The following TRPM4 variants were observed in gnomAD, a reference collection of about 807,000 sequenced individuals.
The protein encoded by TRPM4 is calcium-activated non-selective cation channel 1.
In TRPM4, 124 loss-of-function variants were observed where a neutral mutation model predicts 135.6. The ratio of observed to expected loss-of-function variants is 0.91; its 90% CI spans 0.79 to 1.06. TRPM4 has a LOEUF of 1.06. Among genes scored for constraint, TRPM4 ranks in the 50% least tolerant of loss-of-function variants. The pLI is 0.00. For missense variants in TRPM4, 1,658 were observed against 1,671.4 expected (o/e 0.99, Z 0.14); for synonymous variants, 745 against 705.6 (o/e 1.06, Z -0.88).
chr19:49,174,287 G>A (rs955889157), intron 9 of TRPM4, among the ~76,000 whole-genome samples: 1 of 152,068 alleles, frequency 6.6e-6, no homozygotes, highest in South Asian at 2.1e-4. Flanking sequence ...TGAGTAGCCG[G>A]GATTACAGGC....
chr19:49,189,767 T>C (rs1968342753), intron 14 of TRPM4, among the ~76,000 whole-genome samples: 1 of 152,140 alleles, frequency 6.6e-6, no homozygotes, highest in South Asian at 2.1e-4. Flanking sequence ...TCCTCATCTG[T>C]TGGAATGGTT....
chr19:49,196,451 C>G lies in TRPM4; in HGVS notation c.2222C>G (p.Pro741Arg), dbSNP rs1968638872. The G allele has an allele frequency of 6.5e-7, 1 of 1,545,006 alleles. No homozygotes were observed. Among genetic ancestry groups the G allele is most frequent in the Admixed American group, 2.0e-5 (1 of 49,538 alleles). The change falls in exon 17 of 25, where the codon CCA (proline) becomes CGA (arginine). Residue 741 changes from proline to arginine, a missense_variant. By Grantham distance (103) the Pro-to-Arg change is moderately radical. This residue lies in a region of TRPM4 where 1,412 missense variants were observed against 1,408.7 expected (regional missense o/e 1.00). Transcript: ENST00000252826. ...CTCTTCCCCCACAGGACGGCGGACC[C>G]AGCCGAGAAGACGCCGCTGGGGGTC... The part of the protein sequence containing the change: ...NGEGPVGTAD[P>R]AEKTPLGVPR...
Position 49,210,077 on chromosome 19 carries a change from A to C in TRPM4, c.3132-132A>C. 9.8e-7 allele frequency: 1 copy of C among 1,019,974 alleles called. No homozygotes were observed. The highest frequency in any genetic ancestry group is 1.3e-5 in the South Asian group (1 of 76,392). The allele number at this position is 1,019,974 out of a possible 1,614,324, so 63.2% of individuals were successfully genotyped here. On this transcript the variant is annotated intron_variant, in intron 20 of 24. Coordinates refer to ENST00000252826, the MANE Select transcript of TRPM4 (RefSeq NM_017636.4). The surrounding 1 kb of genome is among the most constrained non-coding windows in gnomAD (Gnocchi z 4.1). ...ACCTGACTTCTAATCGCATCCTGTA[A>C]CCTCTGACTTTAGTGATCTTGACTT... is the stretch of plus-strand genomic sequence containing the variant.
In TRPM4 at chr19:49,173,340, G is replaced by A. The variant is rs368822245; in HGVS notation, c.1150+1232G>A. On this transcript the variant is annotated intron_variant, in intron 9 of 24. Transcript: ENST00000252826. ...CCTCCATCCATCCATCTTCTCACCT[G>A]TCCATCCACACATCCACTGACAATT... Among the ~76,000 whole-genome samples the A allele has an allele frequency of 1.1e-3, 168 of 151,600 alleles. 3 individuals are homozygous for A. The South Asian group carries it at 0.034, about 30-fold the overall frequency.
In TRPM4 at chr19:49,182,765, C is replaced by A. The variant is rs1340859333; in HGVS notation, c.1451C>A (p.Ala484Glu). 1 of 1,613,646 alleles carries A rather than the reference C, an allele frequency of 6.2e-7. No individual in the cohort carries two copies. The change falls in exon 11 of 25, where the codon GCA (alanine) becomes GAA (glutamate). Residue 484 changes from alanine (A) to glutamate (E), a missense_variant. Physicochemically the swap from Ala to Glu is moderately radical, Grantham distance 107. This residue lies in a region of TRPM4 where 1,412 missense variants were observed against 1,408.7 expected (regional missense o/e 1.00). Transcript: ENST00000252826. ...CTTTTGGACCAGGCGTCCCACAGCG[C>A]AGGCACCAAAGCCCCAGCCCTAAAA... ...RNLLDQASHSAGTKAPALKGG... is the reference protein window; with the variant it reads ...RNLLDQASHSEGTKAPALKGG...
chr19:49,192,029 C>T (rs138620477), intron 16 of TRPM4, among the ~76,000 whole-genome samples: 77 of 152,316 alleles, frequency 5.1e-4, no homozygotes, highest in Middle Eastern at 3.4e-3. Flanking sequence ...GGATTTTTCA[C>T]CTATTTTGTT....
At chr19:49,176,054 G>T (rs1204170976) in intron 9 of TRPM4, among the ~76,000 whole-genome samples, 2 of 151,112 alleles carry the variant, frequency 1.3e-5, no homozygotes, top group Non-Finnish European at 2.9e-5. Flanking sequence ...CTCCTGAGTA[G>T]CTGGGATTAC....
intron 16 of TRPM4, among the ~76,000 whole-genome samples, chr19:49,194,471 G>A (rs1968548151): frequency 1.3e-5 from 2 of 151,444 alleles, no homozygotes; most frequent in South Asian, 2.1e-4. Context: ...TCTCAAATTC[G>A]AAGGCTTAAG....
chr19:49,210,359 G>GCGACCCCGGAGCCCCCAGCCGT lies in TRPM4; in HGVS notation c.3284_3305dup (p.Ser1103ThrfsTer20). 1 of 1,614,132 alleles carries GCGACCCCGGAGCCCCCAGCCGT rather than the reference G, an allele frequency of 6.2e-7. No homozygotes were observed. The highest frequency in any genetic ancestry group is 8.5e-7 in the Non-Finnish European group (1 of 1,180,042). On this transcript the variant is annotated frameshift_variant, in exon 21 of 25. Transcript: ENST00000252826. LOFTEE classifies it high-confidence loss of function. This position sits in a 1 kb window ranked among gnomAD's most constrained non-coding sequence, Gnocchi z 4.1. ...GCCTCCTGCTCAGGCAATTGTGCAG[G>GCGACCCCGGAGCCCCCAGCCGT]CGACCCCGGAGCCCCCAGCCGTCCT...
rs1364755186 is a variant in TRPM4, at chr19:49,157,811, C to G, written c.-56C>G. ...CTCTGGGCGGGTCTGGAAGCAGAGCCGGCGGAGGGAGCGCCGGGGCCCTGG... is the reference window on the plus strand; with the variant it reads ...CTCTGGGCGGGTCTGGAAGCAGAGCGGGCGGAGGGAGCGCCGGGGCCCTGG... On this transcript the variant is annotated 5_prime_UTR_variant, in exon 1 of 25. Coordinates refer to ENST00000252826, the MANE Select transcript of TRPM4 (RefSeq NM_017636.4). 7.8e-6 allele frequency: 12 copies of G among 1,533,076 alleles called. No individual in the cohort carries two copies. The highest frequency in any genetic ancestry group is 2.0e-4 in the Middle Eastern group (1 of 5,112). 95.0% of individuals were successfully genotyped at this position (1,533,076 alleles called of 1,614,324 possible).
intron 2 of TRPM4, among the ~76,000 whole-genome samples, chr19:49,162,263 GCA>G (rs1258381212): frequency 6.6e-6 from 1 of 152,162 alleles, no homozygotes; most frequent in African/African-American, 2.4e-5. Flanking sequence ...TTCAGGCCAG[GCA>G]CAGTGACTCA....
intron 20 of TRPM4, among the ~76,000 whole-genome samples, chr19:49,203,310 G>A (rs1260025888): frequency 6.6e-6 from 1 of 151,964 alleles, no homozygotes; most frequent in Non-Finnish European, 1.5e-5. Flanking sequence ...CTCCCAAGTA[G>A]CTAGGACTAC....
rs1437546027 is a variant in TRPM4, at chr19:49,168,381, C to T, written c.570C>T (p.Pro190=). The T allele has an allele frequency of 6.2e-7, 1 of 1,614,082 alleles. No individual in the cohort carries two copies. Among genetic ancestry groups the T allele is most frequent in the African/African-American group, 1.3e-5 (1 of 75,040 alleles). ...AGGTGGTGGCCATGGGTGTGGCCCC[C>T]TGGGGTGTGGTCCGGAATAGAGACA... ...GTKVVAMGVA[P]WGVVRNRDTL... is the part of the protein sequence containing the mutation. Residue 190 remains proline, a synonymous_variant, in exon 5 of 25, where the codon CCC becomes CCT. Transcript: ENST00000252826.
At chr19:49,188,836 G>T (rs996759580) in intron 13 of TRPM4, 66 bp downstream of exon 13, 5 of 1,612,558 alleles carry the variant, frequency 3.1e-6, no homozygotes, top group Non-Finnish European at 4.2e-6. Context: ...GTGCAACTCC[G>T]CACTCCTCAC....
chr19:49,166,401 T>TCTCTGTCTCC (rs1403260246), intron 3 of TRPM4, among the ~76,000 whole-genome samples, 186 bp downstream of exon 3: 1 of 152,144 alleles, frequency 6.6e-6, no homozygotes, highest in Non-Finnish European at 1.5e-5. Flanking sequence ...CGTCTCTTTG[T>TCTCTGTCTCC]CTCTGTCTCC....
In TRPM4 at chr19:49,188,598, A is replaced by G. The variant is rs748813570; in HGVS notation, c.1744-43A>G. 1.4e-5 allele frequency: 23 copies of G among 1,613,794 alleles called. No homozygotes were observed. In the East Asian group the frequency reaches 4.5e-4, roughly 31 times the overall value. ...TTGACTTCAGGCTTCCTCCCCCTCTATGAACCCTCTTTGACGCATCCGTGC... is the reference window on the plus strand; with the variant it reads ...TTGACTTCAGGCTTCCTCCCCCTCTGTGAACCCTCTTTGACGCATCCGTGC... On this transcript the variant is annotated intron_variant, in intron 12 of 24. Transcript: ENST00000252826.
chr19:49,192,564 AAACT>A (rs531867869), intron 16 of TRPM4, among the ~76,000 whole-genome samples: 1 of 152,206 alleles, frequency 6.6e-6, no homozygotes, highest in South Asian at 2.1e-4. Context: ...TATCCATAAC[AAACT>A]AACAGGAACA....
intron 2 of TRPM4, chr19:49,159,199 T>C (rs578115137): frequency 2.6e-5 from 4 of 151,688 alleles, no homozygotes; most frequent in Admixed American, 6.6e-5. Context: ...GCCCGGCTAA[T>C]TTTTTGTATT....
At chr19:49,193,753 G>A (rs1022333029) in intron 16 of TRPM4, among the ~76,000 whole-genome samples, 1 of 152,144 alleles carries the variant, frequency 6.6e-6, no homozygotes, top group African/African-American at 2.4e-5. Context: ...ATACCATGAT[G>A]GTTTTCTCTA....
Sources: gnomAD v4.1 joint callset for allele counts (sites outside exome capture counted in the v4.1 genomes callset) on GRCh38, gnomAD v4.1.1 for gene constraint, gnomAD v4.1.1 regional missense constraint, Gnocchi (gnomAD v3.1) non-coding constraint, MANE v1.5 for transcripts, NCBI Gene and HGNC (gene_info 2026-07-23, HGNC 2026-07-21) for gene names.